The following MACROD2 variants were observed in gnomAD, a reference collection of about 807,000 sequenced individuals.
MACROD2 encodes mono-ADP ribosylhydrolase 2.
MACROD2 carries 36 observed loss-of-function variants against 70.4 expected under a neutral mutation model. The ratio of observed to expected loss-of-function variants is 0.51; its 90% confidence interval spans 0.39 to 0.68. MACROD2 has a LOEUF of 0.68. Ranked by LOEUF, MACROD2 falls within the 30% of genes least tolerant of loss-of-function variation. The pLI, the probability that MACROD2 is intolerant of heterozygous loss-of-function variation, is 0.00. For missense variants in MACROD2, 496 were observed against 538.4 expected (o/e 0.92, Z 0.78); for synonymous variants, 172 against 178.8 (o/e 0.96, Z 0.30).
chr20:14,871,300 T>C (rs1056120696), intron 5 of MACROD2, among the ~76,000 whole-genome samples: 2 of 152,080 alleles, frequency 1.3e-5, no homozygotes, highest in Admixed American at 1.3e-4. Context: ...GGAAGCCCAT[T>C]AGACTAACAG....
intron 3 of MACROD2, among the ~76,000 whole-genome samples, chr20:14,307,506 G>A (rs1458211026): frequency 1.3e-5 from 2 of 151,998 alleles, no homozygotes; most frequent in South Asian, 2.1e-4. Flanking sequence ...TTGCTTTGGG[G>A]CAAAGTCTAA....
intron 4 of MACROD2, among the ~76,000 whole-genome samples, chr20:14,620,803 T>G (rs958264892): frequency 2.0e-5 from 3 of 152,174 alleles, no homozygotes; most frequent in Non-Finnish European, 4.4e-5. Flanking sequence ...TCATACACAC[T>G]GTCTTTCCTT....
At chr20:15,145,927 A>G (rs1479210910) in intron 5 of MACROD2, among the ~76,000 whole-genome samples, 2 of 152,142 alleles carry the variant, frequency 1.3e-5, no homozygotes, top group Non-Finnish European at 2.9e-5. Flanking sequence ...AAAATTGTTT[A>G]TAATAAATGC....
At chr20:15,163,537 GA>G (rs1203894111) in intron 5 of MACROD2, among the ~76,000 whole-genome samples, 3 of 152,016 alleles carry the variant, frequency 2.0e-5, no homozygotes, top group African/African-American at 4.8e-5. Flanking sequence ...CATAAGTATA[GA>G]AACCTGATCT....
chr20:15,331,259 A>G (rs1170544540), intron 6 of MACROD2, among the ~76,000 whole-genome samples: 1 of 151,726 alleles, frequency 6.6e-6, no homozygotes, highest in Non-Finnish European at 1.5e-5. Flanking sequence ...TTTGTAATAT[A>G]AAGAATTCTT....
At chr20:15,884,325 CA>C (rs2064795708) in intron 9 of MACROD2, among the ~76,000 whole-genome samples, 1 of 152,016 alleles carries the variant, frequency 6.6e-6, no homozygotes, top group Non-Finnish European at 1.5e-5. Flanking sequence ...CTAGCAGGAC[CA>C]AGGCAGGTAG....
chr20:14,113,904 T>C (rs1432502691), intron 3 of MACROD2, among the ~76,000 whole-genome samples: 1 of 152,150 alleles, frequency 6.6e-6, no homozygotes, highest in Admixed American at 6.5e-5. Context: ...TAAGGTTTAT[T>C]TATTCATTAA....
At chr20:15,060,144 A>C (rs565950726) in intron 5 of MACROD2, among the ~76,000 whole-genome samples, 6 of 152,188 alleles carry the variant, frequency 3.9e-5, no homozygotes. Context: ...GCTGTCCCTA[A>C]TTCAGTTGTA....
chr20:16,040,010 T>C (rs2067287517), intron 15 of MACROD2, among the ~76,000 whole-genome samples: 1 of 151,932 alleles, frequency 6.6e-6, no homozygotes, highest in Admixed American at 6.6e-5. Flanking sequence ...CTCATAATTC[T>C]CTCCCCAGTG....
At chr20:15,477,359 G>A (rs1568835952) in intron 7 of MACROD2, among the ~76,000 whole-genome samples, 1 of 152,046 alleles carries the variant, frequency 6.6e-6, no homozygotes, top group Non-Finnish European at 1.5e-5. Flanking sequence ...TTTTACAGCT[G>A]TGAACCTCCA....
Position 14,499,641 on chromosome 20 carries a change from G to A in MACROD2, c.301+6133G>A, listed in dbSNP as rs537183266. ...CCCAGATATGAGGAAGAAGAGGGAA[G>A]GTGGTTAGGGACCAGGAGCCAGGCC... is the stretch of plus-strand genomic sequence containing the variant. On this transcript the variant is annotated intron_variant, in intron 4 of 17. Coordinates refer to ENST00000684519, the MANE Select transcript of MACROD2 (RefSeq NM_001351661.2). 3.3e-5 allele frequency among the ~76,000 whole-genome samples: 5 copies of A among 152,210 alleles called. No homozygotes were observed. In the East Asian group the frequency reaches 7.8e-4, roughly 24 times the overall value.
At chr20:15,442,646 G>A (rs2046511017) in intron 7 of MACROD2, among the ~76,000 whole-genome samples, 1 of 152,080 alleles carries the variant, frequency 6.6e-6, no homozygotes, top group African/African-American at 2.4e-5. Flanking sequence ...GGAAAATTTA[G>A]TCTAGCTTGG....
At chr20:14,514,958 A>G (rs2085075067) in intron 4 of MACROD2, among the ~76,000 whole-genome samples, 1 of 152,142 alleles carries the variant, frequency 6.6e-6, no homozygotes, top group Admixed American at 6.6e-5. Context: ...TAGATGAGGA[A>G]GCAATAATTG....
intron 4 of MACROD2, among the ~76,000 whole-genome samples, chr20:14,682,898 A>G (rs1366404363): frequency 6.6e-6 from 1 of 152,036 alleles, no homozygotes; most frequent in African/African-American, 2.4e-5. Context: ...ATTTTTTTTG[A>G]GACGGAGTTT....
chr20:14,859,774 T>C (rs147854944), intron 5 of MACROD2, among the ~76,000 whole-genome samples: 1 of 152,302 alleles, frequency 6.6e-6, no homozygotes, highest in East Asian at 1.9e-4. Flanking sequence ...GTAAATATCA[T>C]TTATGAGACT....
In MACROD2 at chr20:15,035,053, A is replaced by G. The variant is rs115855370; in HGVS notation, c.419-194887A>G. On this transcript the variant is annotated intron_variant, in intron 5 of 17. Transcript: ENST00000684519. ...TTCATGCTTATATCAGCAGGATTCAAGAAGCCCATTTTCTCACTCTTTTAC... is the reference window on the plus strand; with the variant it reads ...TTCATGCTTATATCAGCAGGATTCAGGAAGCCCATTTTCTCACTCTTTTAC... 2.6e-3 allele frequency among the ~76,000 whole-genome samples: 394 copies of G among 152,298 alleles called. 4 individuals are homozygous for G. The highest frequency in any genetic ancestry group is 8.4e-3 in the African/African-American group (348 of 41,568).
At chr20:14,661,293 G>A (rs1016992014) in intron 4 of MACROD2, among the ~76,000 whole-genome samples, 5 of 151,912 alleles carry the variant, frequency 3.3e-5, no homozygotes, top group African/African-American at 7.3e-5. Flanking sequence ...TGCATCTCTC[G>A]ACATTTAGTG....
At chr20:14,662,016 A>G (rs1986251661) in intron 4 of MACROD2, among the ~76,000 whole-genome samples, 1 of 152,138 alleles carries the variant, frequency 6.6e-6, no homozygotes, top group Non-Finnish European at 1.5e-5. Flanking sequence ...TCCATAAATC[A>G]TTAAACTCCA....
intron 3 of MACROD2, among the ~76,000 whole-genome samples, chr20:14,393,795 C>T (rs765255485): frequency 3.9e-5 from 6 of 152,218 alleles, no homozygotes; most frequent in East Asian, 1.9e-4. Flanking sequence ...TAATCCCAAA[C>T]GTGATTAGAT....
Sources: allele counts gnomAD v4.1 joint callset (sites outside exome capture counted in the v4.1 genomes callset), GRCh38; gene constraint gnomAD v4.1.1; transcripts MANE v1.5; gene names NCBI Gene and HGNC (gene_info 2026-07-23, HGNC 2026-07-21).